The following TMEM175 variants were observed in gnomAD, a reference collection of about 807,000 sequenced individuals.
The protein encoded by TMEM175 is endosomal/lysosomal proton channel TMEM175.
A neutral mutation model predicts 36.5 loss-of-function variants in TMEM175; 36 were observed. That is an observed-to-expected ratio of 0.99 (90% CI 0.76 to 1.30). The LOEUF is 1.30. Among genes scored for constraint, TMEM175 ranks in the 50% most tolerant of loss-of-function variants. The pLI is 0.00. For missense variants in TMEM175, 705 were observed against 692.8 expected (o/e 1.02, Z -0.20); for synonymous variants, 339 against 313.4 (o/e 1.08, Z -0.86).
chr4:939,250 A>G (rs1019266697), intron 1 of TMEM175, among the ~76,000 whole-genome samples: 1 of 152,254 alleles, frequency 6.6e-6, no homozygotes, highest in Non-Finnish European at 1.5e-5. Flanking sequence ...GTTTCAACAA[A>G]TGATACTGGA....
At chr4:943,204 A>G (rs1389739358) in intron 1 of TMEM175, among the ~76,000 whole-genome samples, 2 of 152,176 alleles carry the variant, frequency 1.3e-5, no homozygotes, top group African/African-American at 4.8e-5. Context: ...ACACCCCTAC[A>G]CGAGTACTAG....
intron 1 of TMEM175, among the ~76,000 whole-genome samples, chr4:936,053 A>G (rs943509489): frequency 1.3e-5 from 2 of 152,192 alleles, no homozygotes; most frequent in Non-Finnish European, 2.9e-5. Flanking sequence ...CAATCACCTT[A>G]TGAAACTAGA....
intron 1 of TMEM175, among the ~76,000 whole-genome samples, chr4:933,260 G>A (rs1444746297): frequency 3.3e-5 from 5 of 152,066 alleles, no homozygotes; most frequent in Non-Finnish European, 5.9e-5. Context: ...TAATCCCAGT[G>A]CTTTGGGAGG....
chr4:947,846 T>G lies in TMEM175; in HGVS notation c.107T>G (p.Met36Arg). 1 of 1,613,538 alleles carries G rather than the reference T, an allele frequency of 6.2e-7. No individual in the cohort carries two copies. Among genetic ancestry groups the G allele is most frequent in the Non-Finnish European group, 8.5e-7 (1 of 1,180,010 alleles). ...GAGGGGATCCAGTGCTCCCAACGCA[T>G]GCTCAGCTTCAGTGACGCCCTGCTG... ...AGEGIQCSQR[M>R]LSFSDALLSI... is the part of the protein sequence containing the mutation. Residue 36 changes from methionine to arginine, a missense_variant, in exon 2 of 11, where the codon ATG (methionine) becomes AGG (arginine). Coordinates refer to ENST00000264771, the MANE Select transcript of TMEM175 (RefSeq NM_032326.4).
intron 1 of TMEM175, among the ~76,000 whole-genome samples, chr4:942,911 A>T (rs1416893651): frequency 6.6e-6 from 1 of 152,132 alleles, no homozygotes; most frequent in African/African-American, 2.4e-5. Flanking sequence ...AAATGCTGGG[A>T]TTACAGGTGT....
Position 950,513 on chromosome 4 carries a change from C to T in TMEM175, c.285C>T (p.His95=), listed in dbSNP as rs1013583148. 5.6e-6 allele frequency: 9 copies of T among 1,613,666 alleles called. No individual in the cohort carries two copies. The highest frequency in any genetic ancestry group is 6.8e-6 in the Non-Finnish European group (8 of 1,179,744). ...TCGTGACAGTGGCCTGGGCAGCACACACAAGGTGGGGGCCCGGGCGCTTCC... is the reference window on the plus strand; with the variant it reads ...TCGTGACAGTGGCCTGGGCAGCACATACAAGGTGGGGGCCCGGGCGCTTCC... The part of the protein sequence containing the change: ...FLIVTVAWAA[H]TRLFQVVGKT... Residue 95 remains histidine, a synonymous_variant, in exon 4 of 11, where the codon CAC becomes CAT. Coordinates refer to ENST00000264771, the MANE Select transcript of TMEM175 (RefSeq NM_032326.4).
intron 8 of TMEM175, among the ~76,000 whole-genome samples, chr4:953,598 C>T (rs954610294): frequency 5.9e-5 from 9 of 152,266 alleles, no homozygotes; most frequent in Admixed American, 5.2e-4. Context: ...AAGGAAGGGG[C>T]AGCTGAGTGT....
At chr4:945,263 C>T (rs916079004) in intron 1 of TMEM175, among the ~76,000 whole-genome samples, 3 of 149,384 alleles carry the variant, frequency 2.0e-5, no homozygotes, top group African/African-American at 7.4e-5. Context: ...TGTCCGTTTA[C>T]ATTCCTGCCT....
chr4:956,016 A>G, intron 10 of TMEM175, 126 bp downstream of exon 10: 2 of 1,260,276 alleles, frequency 1.6e-6, no homozygotes, highest in Non-Finnish European at 2.2e-6. Context: ...GGATGCCTAG[A>G]GTTTTGTGTG....
intron 1 of TMEM175, among the ~76,000 whole-genome samples, chr4:936,817 C>T (rs1355982838): frequency 6.6e-6 from 1 of 152,122 alleles, no homozygotes; most frequent in Non-Finnish European, 1.5e-5. Flanking sequence ...ATTAGCTGCG[C>T]ATGGTGGCAT....
chr4:955,712 C>G, intron 9 of TMEM175, 43 bp from the exon 10 acceptor site: 1 of 1,601,658 alleles, frequency 6.2e-7, no homozygotes. Flanking sequence ...TCTACCTCCA[C>G]ATGGGGGGTT....
At chr4:936,570 T>A (rs1283453332) in intron 1 of TMEM175, among the ~76,000 whole-genome samples, 1 of 152,208 alleles carries the variant, frequency 6.6e-6, no homozygotes. Context: ...AATCGGGGAC[T>A]ATTATTAAGG....
At chr4:952,506 GTGTGTGTGTGTGAT>G (rs1729045181) in intron 7 of TMEM175, 56 bp downstream of exon 7, 1 of 1,393,646 alleles carries the variant, frequency 7.2e-7, no homozygotes, top group African/African-American at 1.6e-5. Context: ...GTGTGTGTGT[GTGTGTGTGTGTGAT>G]CACCATCGGG....
intron 2 of TMEM175, 90 bp downstream of exon 2, chr4:947,982 G>T: frequency 6.2e-7 from 1 of 1,611,024 alleles, no homozygotes; most frequent in Non-Finnish European, 8.5e-7. Context: ...GGTCTTGCCA[G>T]CATCCTTGGG....
At chr4:933,625 C>T (rs1408703614) in intron 1 of TMEM175, among the ~76,000 whole-genome samples, 1 of 152,176 alleles carries the variant, frequency 6.6e-6, no homozygotes, top group Non-Finnish European at 1.5e-5. Flanking sequence ...AGGTAAGACA[C>T]AGTCATTTGC....
intron 10 of TMEM175, among the ~76,000 whole-genome samples, chr4:957,193 C>T (rs926588779): frequency 1.3e-5 from 2 of 151,462 alleles, no homozygotes; most frequent in African/African-American, 2.4e-5. Flanking sequence ...TCGCCCTCTG[C>T]GTATTGTTCT....
intron 10 of TMEM175, chr4:956,528 C>T (rs778733306): frequency 8.5e-6 from 10 of 1,173,882 alleles, no homozygotes; most frequent in Admixed American, 5.9e-5. Flanking sequence ...CTGCAACCTC[C>T]GCCTCCCAGG....
chr4:948,285 G>A, intron 3 of TMEM175, 131 bp downstream of exon 3: 1 of 1,581,936 alleles, frequency 6.3e-7, no homozygotes, highest in Non-Finnish European at 8.6e-7. Context: ...GAGGCGGGAG[G>A]CGGGGGCCTC....
chr4:957,460 G>C lies in TMEM175; in HGVS notation c.843-364G>C, dbSNP rs192736741. Among the ~76,000 whole-genome samples, 1,485 of 152,304 alleles carry C rather than the reference G, an allele frequency of 9.8e-3. 28 individuals carry two copies. The highest frequency in any genetic ancestry group is 0.032 in the African/African-American group (1,316 of 41,554). ...GGTGGCTCCGAGGGCTGGAAGCTGG[G>C]AGGGAACAGACCTCGCTGCCCCACA... On this transcript the variant is annotated intron_variant, in intron 10 of 10. Coordinates refer to ENST00000264771, the MANE Select transcript of TMEM175 (RefSeq NM_032326.4).
Sources: gnomAD v4.1 joint callset for allele counts (sites outside exome capture counted in the v4.1 genomes callset) on GRCh38, gnomAD v4.1.1 for gene constraint, MANE v1.5 for transcripts, NCBI Gene and HGNC (gene_info 2026-07-23, HGNC 2026-07-21) for gene names.